Variants in HSD17B11 observed in about 807,000 individuals in gnomAD.
The protein encoded by HSD17B11 is hydroxysteroid 17-beta dehydrogenase 11.
A neutral mutation model predicts 27.8 loss-of-function variants in HSD17B11; 22 were observed. The observed-to-expected ratio is 0.79, with a 90% CI of 0.56 to 1.13. The LOEUF (loss-of-function observed/expected upper bound fraction) is 1.13, where lower values mean the gene tolerates loss of function less well. HSD17B11 is among the 50% of genes most tolerant of loss of function. The pLI is 0.00. For missense variants in HSD17B11, 314 were observed against 351.1 expected, an observed-to-expected ratio of 0.89 and a Z score of 0.84; for synonymous variants, 117 against 132.8, an observed-to-expected ratio of 0.88 and a Z score of 0.82.
At chr4:87,383,724 T>C (rs553115928) in intron 1 of HSD17B11, among the ~76,000 whole-genome samples, 8 of 150,998 alleles carry the variant, frequency 5.3e-5, no homozygotes, top group African/African-American at 2.0e-4. Context: ...TCTTTGCTTG[T>C]TTGCTTTTGG....
chr4:87,379,772 ATATAGTAATAGTATAT>A (rs543688836), intron 2 of HSD17B11, among the ~76,000 whole-genome samples: 16,586 of 132,744 alleles, frequency 0.12, 1,283 homozygotes, highest in Admixed American at 0.19. Context: ...TAACAGTATA[ATATAGTAATAGTATAT>A]TATAGTATAA....
intron 4 of HSD17B11, among the ~76,000 whole-genome samples, chr4:87,366,287 G>A (rs999836265): frequency 1.3e-5 from 2 of 152,190 alleles, no homozygotes; most frequent in African/African-American, 4.8e-5. Context: ...GTTTCTCTTA[G>A]AGGACTTATC....
At chr4:87,385,441 A>G (rs1404238577) in intron 1 of HSD17B11, among the ~76,000 whole-genome samples, 1 of 152,084 alleles carries the variant, frequency 6.6e-6, no homozygotes. Context: ...CTGGGGAGAT[A>G]TATTGTTTTA....
chr4:87,347,119 T>TTC (rs2110114688), intron 5 of HSD17B11, among the ~76,000 whole-genome samples: 3 of 70,994 alleles, frequency 4.2e-5, no homozygotes, highest in East Asian at 3.5e-4. Context: ...TTTTTTTCTT[T>TTC]TTTTTTTTTT....
chr4:87,387,058 C>T (rs1053713690), intron 1 of HSD17B11: 3 of 152,186 alleles, frequency 2.0e-5, no homozygotes, highest in Admixed American at 2.0e-4. Context: ...CATATTGATT[C>T]TGAACTTATG....
chr4:87,380,727 G>A (rs1447259805), intron 2 of HSD17B11, among the ~76,000 whole-genome samples: 1 of 151,412 alleles, frequency 6.6e-6, no homozygotes, highest in East Asian at 2.0e-4. Flanking sequence ...GCGTGGTGAC[G>A]GGCGCCTGTA....
chr4:87,374,646 TTA>T (rs1277306518), intron 3 of HSD17B11, 51 bp downstream of exon 3: 16 of 1,548,624 alleles, frequency 1.0e-5, no homozygotes, highest in South Asian at 3.6e-5. Flanking sequence ...AAGCCCCACT[TTA>T]ATCTTTGGGA....
At chr4:87,353,874 T>C (rs569137328) in intron 5 of HSD17B11, among the ~76,000 whole-genome samples, 50 of 152,320 alleles carry the variant, frequency 3.3e-4, no homozygotes, top group African/African-American at 1.2e-3. Flanking sequence ...TTGAGGAAAC[T>C]GGCAAGTTTT....
chr4:87,375,420 A>T (rs958233124), intron 2 of HSD17B11, among the ~76,000 whole-genome samples: 2 of 152,136 alleles, frequency 1.3e-5, no homozygotes, highest in Non-Finnish European at 2.9e-5. Flanking sequence ...CATTTTTTTT[A>T]AAACATTACT....
chr4:87,363,222 C>CT (rs1735549977), intron 4 of HSD17B11, among the ~76,000 whole-genome samples: 1 of 152,154 alleles, frequency 6.6e-6, no homozygotes, highest in Non-Finnish European at 1.5e-5. Flanking sequence ...ACCCAGAAGC[C>CT]TGGCATGCCA....
At chr4:87,353,154 C>G (rs1735318252) in intron 5 of HSD17B11, among the ~76,000 whole-genome samples, 1 of 146,528 alleles carries the variant, frequency 6.8e-6, no homozygotes, top group Non-Finnish European at 1.5e-5. Context: ...CTCTAGTATT[C>G]TGGATTTTTA....
intron 1 of HSD17B11, among the ~76,000 whole-genome samples, chr4:87,383,146 T>C (rs754497188): frequency 7.2e-5 from 11 of 152,062 alleles, no homozygotes; most frequent in Non-Finnish European, 1.5e-4. Context: ...CAATGACAGA[T>C]AGGAGATTGG....
intron 1 of HSD17B11, among the ~76,000 whole-genome samples, chr4:87,382,969 A>G (rs533215159): frequency 5.6e-4 from 86 of 152,322 alleles, no homozygotes; most frequent in African/African-American, 2.0e-3. Context: ...TAAAAGATTG[A>G]ATATTGGCAG....
chr4:87,360,367 G>A (rs529168829), intron 4 of HSD17B11, among the ~76,000 whole-genome samples: 2 of 152,330 alleles, frequency 1.3e-5, no homozygotes, highest in South Asian at 4.1e-4. Context: ...CAGATCCGGT[G>A]TTTATCCCAA....
At position 87,336,592 on chromosome 4, in the gene HSD17B11, A is replaced by G. The variant is rs1735063238; in HGVS notation, c.*684T>C. The G allele has an allele frequency of 6.6e-6, 1 of 152,278 alleles. No homozygotes were observed. Among genetic ancestry groups the G allele is most frequent in the Admixed American group, 6.5e-5 (1 of 15,284 alleles). The allele number at this position is 152,278 out of a possible 1,614,324, so 9.4% of individuals were successfully genotyped here. On this transcript the variant is annotated 3_prime_UTR_variant, in exon 7 of 7. Coordinates refer to ENST00000358290, the MANE Select transcript of HSD17B11 (RefSeq NM_016245.5). The stretch of plus-strand genomic sequence containing the variant: ...TTGTCATGTTCTGTTTAAGACAAAA[A>G]GATGGAAACACCAAAAGTTTAAGTG...
Position 87,372,792 on chromosome 4 carries a change from T to G in HSD17B11, c.474A>C (p.Ala158=). The change falls in exon 4 of 7, where the codon GCA becomes GCC. Residue 158 remains alanine, a synonymous_variant. Coordinates refer to ENST00000358290, the MANE Select transcript of HSD17B11 (RefSeq NM_016245.5). ...TATGGCCATGGTTATTCTTCGTCAT[T>G]GCAGGAAGAAATGCCTTTGTAGTCT... ...HFWTTKAFLP[A]MTKNNHGHIV... The G allele has an allele frequency of 6.2e-7, 1 of 1,612,486 alleles. No homozygotes were observed. Among genetic ancestry groups the G allele is most frequent in the South Asian group, 1.1e-5 (1 of 91,024 alleles).
chr4:87,389,820 T>C (rs1389429590), intron 1 of HSD17B11, among the ~76,000 whole-genome samples: 1 of 152,180 alleles, frequency 6.6e-6, no homozygotes, highest in African/African-American at 2.4e-5. Context: ...GGATTCTAGG[T>C]CCTCTTCTCC....
chr4:87,379,657 A>G (rs976563479), intron 2 of HSD17B11, among the ~76,000 whole-genome samples: 1 of 144,902 alleles, frequency 6.9e-6, no homozygotes, highest in Non-Finnish European at 1.5e-5. Flanking sequence ...ATATGTATGT[A>G]TATTATATAT....
intron 1 of HSD17B11, among the ~76,000 whole-genome samples, chr4:87,385,138 C>T (rs993973837): frequency 1.3e-5 from 2 of 152,180 alleles, no homozygotes; most frequent in Non-Finnish European, 2.9e-5. Flanking sequence ...CAAGGGACAT[C>T]AACATCTCAG....
Sources: allele counts gnomAD v4.1 joint callset (sites outside exome capture counted in the v4.1 genomes callset), GRCh38; gene constraint gnomAD v4.1.1; transcripts MANE v1.5; gene names NCBI Gene and HGNC (gene_info 2026-07-23, HGNC 2026-07-21).